Variants in MMRN1 observed in about 807,000 individuals in gnomAD.
MMRN1 encodes multimerin 1.
Under a neutral mutation model 100.7 loss-of-function variants are expected in MMRN1, and 94 were observed. That is an observed-to-expected ratio of 0.93 (90% confidence interval 0.79 to 1.11). The LOEUF (loss-of-function observed/expected upper bound fraction) is 1.11, where lower values mean the gene tolerates loss of function less well. Ranked by LOEUF, MMRN1 falls within the 50% of genes least tolerant of loss-of-function variation. MMRN1 has a pLI of 0.00. For synonymous variants in MMRN1, 575 were observed against 505.0 expected (o/e 1.14, Z -1.86); for missense variants, 1,606 against 1,439.1 (o/e 1.12, Z -1.88).
At chr4:89,904,118 C>A (rs1181634712) in intron 1 of MMRN1, among the ~76,000 whole-genome samples, 5 of 151,626 alleles carry the variant, frequency 3.3e-5, no homozygotes, top group African/African-American at 7.3e-5. Flanking sequence ...TTCTTTTCCC[C>A]TTTCCTGTTA....
Position 89,936,067 on chromosome 4 carries a change from A to G in MMRN1, c.2387A>G (p.Tyr796Cys). 2 of 1,611,986 alleles carry G rather than the reference A, an allele frequency of 1.2e-6. No homozygotes were observed. The highest frequency in any genetic ancestry group is 1.7e-6 in the Non-Finnish European group (2 of 1,179,332). Residue 796 changes from tyrosine (Y) to cysteine (C), a missense_variant, in exon 6 of 8, where the codon TAT (tyrosine) becomes TGT (cysteine). Transcript: ENST00000264790. ...IQTLVNDNQR[Y>C]NFVLQVAKTL... Reference sequence around the variant, plus strand: ...ACTTTGGTCAATGACAATCAGAGATATAACTTTGTTTTGCAAGTCGCCAAG... The same window carrying G: ...ACTTTGGTCAATGACAATCAGAGATGTAACTTTGTTTTGCAAGTCGCCAAG...
chr4:89,940,627 T>C (rs1487387364), intron 6 of MMRN1, among the ~76,000 whole-genome samples: 1 of 152,156 alleles, frequency 6.6e-6, no homozygotes, highest in African/African-American at 2.4e-5. Context: ...TATATTTATT[T>C]GTAATAAGTC....
At chr4:89,886,659 T>A (rs558640796) in intron 1 of MMRN1, among the ~76,000 whole-genome samples, 5 of 152,192 alleles carry the variant, frequency 3.3e-5, no homozygotes, top group Non-Finnish European at 5.9e-5. Flanking sequence ...ATTAGATTTA[T>A]CCATTTCTCC....
At chr4:89,895,639 T>A (rs2289515) in intron 1 of MMRN1, 45 bp downstream of exon 1, 677,318 of 1,542,650 alleles carry the variant, frequency 0.44, 150,616 homozygotes, top group Admixed American at 0.53. Context: ...GTCTATCAGG[T>A]CTAGAAGATT....
At chr4:89,925,302 A>AT (rs1176427401) in intron 4 of MMRN1, among the ~76,000 whole-genome samples, 2,614 of 101,960 alleles carry the variant, frequency 0.026, 141 homozygotes, top group Middle Eastern at 0.046. Context: ...TGCCTGGTTA[A>AT]TTTTTTTTTT....
chr4:89,879,845 T>C (rs1309223459), intron 1 of MMRN1, among the ~76,000 whole-genome samples: 1 of 152,178 alleles, frequency 6.6e-6, no homozygotes, highest in Non-Finnish European at 1.5e-5. Flanking sequence ...GAAAATAGCC[T>C]GAAGAAAAGC....
intron 1 of MMRN1, among the ~76,000 whole-genome samples, chr4:89,901,495 AT>A: frequency 6.6e-6 from 1 of 152,154 alleles, no homozygotes; most frequent in Non-Finnish European, 1.5e-5. Flanking sequence ...TTTTGTGTGA[AT>A]TATGAATAGG....
At chr4:89,912,403 A>G (rs1307249758) in intron 3 of MMRN1, among the ~76,000 whole-genome samples, 2 of 151,392 alleles carry the variant, frequency 1.3e-5, no homozygotes, top group East Asian at 1.9e-4. Context: ...AAGTGACTCA[A>G]TATAAAAATA....
At chr4:89,910,817 T>A (rs1214355004) in intron 2 of MMRN1, among the ~76,000 whole-genome samples, 3 of 151,414 alleles carry the variant, frequency 2.0e-5, no homozygotes, top group Non-Finnish European at 4.4e-5. Context: ...CTCGGTTACC[T>A]GTCATGTTAT....
intron 6 of MMRN1, among the ~76,000 whole-genome samples, chr4:89,940,236 C>T (rs1046113697): frequency 6.6e-6 from 1 of 152,102 alleles, no homozygotes. Context: ...TGACTTAACA[C>T]AATGTCAGCA....
chr4:89,909,088 C>G (rs538478227), intron 1 of MMRN1, among the ~76,000 whole-genome samples, 188 bp from the exon 2 acceptor site: 2 of 151,448 alleles, frequency 1.3e-5, no homozygotes, highest in East Asian at 3.9e-4. Context: ...CTTATAGTCC[C>G]TGAGTACAGC....
intron 5 of MMRN1, among the ~76,000 whole-genome samples, chr4:89,929,142 C>T (rs561060899): frequency 1.3e-5 from 2 of 152,126 alleles, no homozygotes; most frequent in East Asian, 1.9e-4. Context: ...TTCCTGGGAG[C>T]GTCCCAGTCG....
chr4:89,931,745 C>A (rs1722444021), intron 5 of MMRN1, among the ~76,000 whole-genome samples: 2 of 152,236 alleles, frequency 1.3e-5, no homozygotes, highest in Admixed American at 1.3e-4. Context: ...GAGACTTATT[C>A]ACTATCATGA....
intron 1 of MMRN1, among the ~76,000 whole-genome samples, chr4:89,882,794 G>T (rs1436647604): frequency 6.6e-6 from 1 of 151,892 alleles, no homozygotes; most frequent in African/African-American, 2.4e-5. Flanking sequence ...ATGCACAGCT[G>T]TTAGGTGTTC....
intron 6 of MMRN1, among the ~76,000 whole-genome samples, chr4:89,938,448 C>CA (rs974021832): frequency 6.9e-6 from 1 of 145,188 alleles, no homozygotes; most frequent in African/African-American, 2.5e-5. Context: ...TGTGACCACA[C>CA]ACCAGGCAAG....
intron 1 of MMRN1, among the ~76,000 whole-genome samples, chr4:89,883,053 T>C (rs775752197): frequency 6.6e-6 from 1 of 152,082 alleles, no homozygotes; most frequent in African/African-American, 2.4e-5. Context: ...AGTAATCATA[T>C]TGATTTTTGA....
intron 6 of MMRN1, among the ~76,000 whole-genome samples, chr4:89,944,948 C>T (rs1209050704): frequency 2.0e-5 from 3 of 152,090 alleles, no homozygotes; most frequent in Admixed American, 2.0e-4. Flanking sequence ...ATAACCTTCA[C>T]CATAATCAAG....
chr4:89,880,694 T>A (rs747127769), intron 1 of MMRN1, among the ~76,000 whole-genome samples: 39 of 152,106 alleles, frequency 2.6e-4, no homozygotes, highest in Non-Finnish European at 4.1e-4. Context: ...TTATATAACA[T>A]CTCTCCTTTT....
At chr4:89,887,186 T>G (rs1481930157) in intron 1 of MMRN1, among the ~76,000 whole-genome samples, 5 of 152,074 alleles carry the variant, frequency 3.3e-5, no homozygotes, top group Admixed American at 3.3e-4. Context: ...CTCATGTTCA[T>G]GGATTCAAAG....
Sources: gnomAD v4.1 joint callset for allele counts (sites outside exome capture counted in the v4.1 genomes callset) on GRCh38, gnomAD v4.1.1 for gene constraint, MANE v1.5 for transcripts, NCBI Gene and HGNC (gene_info 2026-07-23, HGNC 2026-07-21) for gene names.